The following ZNF813 variants were observed in gnomAD, a reference collection of about 807,000 sequenced individuals.
ZNF813 encodes the protein zinc finger protein 813.
Under a neutral mutation model 7.2 loss-of-function variants are expected in ZNF813, and 3 were observed. The ratio of observed to expected loss-of-function variants is 0.42; its 90% CI spans 0.19 to 1.08. ZNF813 has a LOEUF of 1.08. Ranked by LOEUF, ZNF813 falls within the 50% of genes least tolerant of loss-of-function variation. ZNF813 has a pLI of 0.30. For synonymous variants in ZNF813, 227 were observed against 256.3 expected (o/e 0.89, Z 1.09); for missense variants, 714 against 753.3 (o/e 0.95, Z 0.61).
chr19:53,469,364 G>A (rs1036202446), intron 1 of ZNF813, among the ~76,000 whole-genome samples: 3 of 151,992 alleles, frequency 2.0e-5, no homozygotes, highest in African/African-American at 7.3e-5. Flanking sequence ...CCCAGCTCCA[G>A]CCCCTTGAAA....
chr19:53,485,093 C>G (rs1286308001), intron 2 of ZNF813, among the ~76,000 whole-genome samples: 2 of 152,026 alleles, frequency 1.3e-5, no homozygotes, highest in Non-Finnish European at 2.9e-5. Context: ...TTCTGCATCA[C>G]TATGAGACTT....
At chr19:53,474,513 C>T (rs1405824073) in intron 1 of ZNF813, among the ~76,000 whole-genome samples, 1 of 152,088 alleles carries the variant, frequency 6.6e-6, no homozygotes, top group Non-Finnish European at 1.5e-5. Context: ...ATGGTGACGT[C>T]CAGTCTCTAC....
rs201552402 is a variant in ZNF813 at position 53,486,765 on chromosome 19, A to G, written c.142+7A>G. 6.2e-7 allele frequency: 1 copy of G among 1,613,682 alleles called. No individual in the cohort carries two copies. The highest frequency in any genetic ancestry group is 8.5e-7 in the Non-Finnish European group (1 of 1,179,842). ...AGGAACCTGGTCTCCCTGGGTGAGG[A>G]TAACTTCCCTCCAGAAGTGGGGATG... On this transcript the variant is annotated splice_region_variant and intron_variant, in intron 3 of 3. Coordinates refer to ENST00000396403, the MANE Select transcript of ZNF813 (RefSeq NM_001004301.4).
At chr19:53,474,273 A>C (rs963206361) in intron 1 of ZNF813, among the ~76,000 whole-genome samples, 1 of 152,244 alleles carries the variant, frequency 6.6e-6, no homozygotes, top group Non-Finnish European at 1.5e-5. Context: ...TTCACAAGGC[A>C]TGGCTCCTGC....
At position 53,469,800 on chromosome 19, in the gene ZNF813, A is replaced by C. The variant is rs113721987; in HGVS notation, c.-74+2011A>C. ...GGATCTAGGCTGCCAGAGAGTGGGG[A>C]CAGGGGGTATAACAGGGAAGAGAGA... On this transcript the variant is annotated intron_variant, in intron 1 of 3. Transcript: ENST00000396403. Among the ~76,000 whole-genome samples, 1,090 of 136,844 alleles carry C rather than the reference A, an allele frequency of 8.0e-3. 4 individuals are homozygous for C. The highest frequency in any genetic ancestry group is 0.011 in the Non-Finnish European group (647 of 60,974). 89.8% of individuals were successfully genotyped at this position (136,844 alleles called of 152,430 possible).
rs1317267445 is a variant in ZNF813, at chr19:53,471,389, A to G, written c.-74+3600A>G. Reference sequence around the variant, plus strand: ...GATCTGGAGTCATCTTTGCCTTGCCACAAAGTTTTCTTTAGTGTTTTATTA... The same window carrying G: ...GATCTGGAGTCATCTTTGCCTTGCCGCAAAGTTTTCTTTAGTGTTTTATTA... On this transcript the variant is annotated intron_variant, in intron 1 of 3. Transcript: ENST00000396403. Among the ~76,000 whole-genome samples, 6 of 152,158 alleles carry G rather than the reference A, an allele frequency of 3.9e-5. No individual in the cohort carries two copies. The East Asian group carries it at 1.2e-3, about 29-fold the overall frequency.
rs1475860607 is a variant in ZNF813 at position 53,493,690 on chromosome 19, G to A, written c.*1604G>A. 2.0e-5 allele frequency: 3 copies of A among 152,140 alleles called. No individual in the cohort carries two copies. Among genetic ancestry groups the A allele is most frequent in the African/African-American group, 7.2e-5 (3 of 41,442 alleles). The allele number at this position is 152,140 out of a possible 1,614,324, so 9.4% of individuals were successfully genotyped here. A position where few individuals can be genotyped will look rare whatever the true frequency, so the allele number is the denominator to read the frequency against. On this transcript the variant is annotated 3_prime_UTR_variant, in exon 4 of 4. Coordinates refer to ENST00000396403, the MANE Select transcript of ZNF813 (RefSeq NM_001004301.4). Reference sequence around the variant, plus strand: ...TGTTTATTACTTCCAGTAGTATTTTGGTTGAGTCTTTGTGATTTTCTACAC... The same window carrying A: ...TGTTTATTACTTCCAGTAGTATTTTAGTTGAGTCTTTGTGATTTTCTACAC...
rs66842546 is a variant in ZNF813, at chr19:53,481,344, C to CTTTTTTTTTTTTTTTTTTTTTTTTTTTT, written c.-73-2387_-73-2386insTTTTTTTTTTTTTTTTTTTTTTTTTTTT. On this transcript the variant is annotated intron_variant, in intron 1 of 3. Coordinates refer to ENST00000396403, the MANE Select transcript of ZNF813 (RefSeq NM_001004301.4). ...GCTATTCTAAAAGCACCCATGTATT[C>CTTTTTTTTTTTTTTTTTTTTTTTTTTTT]TTTTTTTTTTTTTTTTTTTGAGATG... Among the ~76,000 whole-genome samples the CTTTTTTTTTTTTTTTTTTTTTTTTTTTT allele has an allele frequency of 1.8e-4, 19 of 106,376 alleles. 1 individual carries two copies. The highest frequency in any genetic ancestry group is 1.8e-4 in the Non-Finnish European group (10 of 55,802). 69.8% of individuals were successfully genotyped at this position (106,376 alleles called of 152,430 possible).
At position 53,490,392 on chromosome 19, in the gene ZNF813, A is replaced by G. The variant is rs370790550; in HGVS notation, c.160A>G (p.Met54Val). ...LVSLDISSKC[M>V]MKEFSSTAQG... is the part of the protein sequence containing the mutation. ...TTTTGTAGATATCTCTTCCAAATGC[A>G]TGATGAAGGAGTTCTCATCAACAGC... The change falls in exon 4 of 4, where the codon ATG (methionine) becomes GTG (valine). Residue 54 changes from methionine (M) to valine (V), a missense_variant. By Grantham distance (21) the Met-to-Val change is conservative (BLOSUM62 1). Transcript: ENST00000396403. 4.3e-6 allele frequency: 7 copies of G among 1,613,942 alleles called. No homozygotes were observed. The highest frequency in any genetic ancestry group is 5.1e-6 in the Non-Finnish European group (6 of 1,179,966).
At chr19:53,472,245 G>A (rs2086363162) in intron 1 of ZNF813, among the ~76,000 whole-genome samples, 1 of 152,154 alleles carries the variant, frequency 6.6e-6, no homozygotes, top group Non-Finnish European at 1.5e-5. Context: ...ATTTCGATAA[G>A]CATAATTGGC....
At chr19:53,481,425 C>G (rs2086408293) in intron 1 of ZNF813, among the ~76,000 whole-genome samples, 1 of 140,764 alleles carries the variant, frequency 7.1e-6, no homozygotes, top group South Asian at 2.3e-4. Flanking sequence ...AGGCTCACTA[C>G]AACCTCTGCC....
At chr19:53,470,164 T>C (rs543020758) in intron 1 of ZNF813, among the ~76,000 whole-genome samples, 46,348 of 143,616 alleles carry the variant, frequency 0.32, 8,373 homozygotes, top group African/African-American at 0.39. Flanking sequence ...TTTCTTTTTC[T>C]TTTCTTTTCT....
intron 2 of ZNF813, among the ~76,000 whole-genome samples, chr19:53,486,413 C>T (rs1326150512): frequency 1.3e-5 from 2 of 149,472 alleles, no homozygotes; most frequent in East Asian, 3.9e-4. Flanking sequence ...TGCCATTGCA[C>T]TCCAGCCTGG....
chr19:53,487,481 C>T (rs750628918), intron 3 of ZNF813, among the ~76,000 whole-genome samples: 4 of 152,148 alleles, frequency 2.6e-5, no homozygotes, highest in Non-Finnish European at 4.4e-5. Context: ...TCTTGGGTCA[C>T]CGCAACTGGC....
In ZNF813 at chr19:53,493,432, T is replaced by C. The variant is rs2086472931; in HGVS notation, c.*1346T>C. 1 of 111,678 alleles carries C rather than the reference T, an allele frequency of 9.0e-6. No homozygotes were observed. The highest frequency in any genetic ancestry group is 4.4e-5 in the African/African-American group (1 of 22,856). 6.9% of individuals were successfully genotyped at this position (111,678 alleles called of 1,614,324 possible). A position where few individuals can be genotyped will look rare whatever the true frequency, so the allele number is the denominator to read the frequency against. On this transcript the variant is annotated 3_prime_UTR_variant, in exon 4 of 4. Coordinates refer to ENST00000396403, the MANE Select transcript of ZNF813 (RefSeq NM_001004301.4). ...CAAACTTCTCACCTTTTTACTTTTA[T>C]TTCTATTTCTTTAAGTTCTCTAGCA...
Position 53,490,587 on chromosome 19 carries a change from T to C in ZNF813, c.355T>C (p.Leu119=), listed in dbSNP as rs753298154. The C allele has an allele frequency of 2.5e-6, 4 of 1,614,142 alleles. No individual in the cohort carries two copies. The change falls in exon 4 of 4, where the codon TTG becomes CTG. Residue 119 remains leucine (L), a synonymous_variant. Transcript: ENST00000396403. ...AGCACCCATGACAGAAATCAAAAAG[T>C]TGACTGGTAGTGCAGACCGATATGA... ...HEAPMTEIKK[L]TGSADRYDQR... is the part of the protein sequence containing the mutation.
intron 3 of ZNF813, among the ~76,000 whole-genome samples, chr19:53,487,763 C>T (rs2086440923): frequency 2.0e-5 from 3 of 148,868 alleles, no homozygotes; most frequent in African/African-American, 7.4e-5. Flanking sequence ...GTGCCATTGC[C>T]CTCCAGCCTG....
intron 1 of ZNF813, chr19:53,479,552 G>T: frequency 4.3e-6 from 5 of 1,159,398 alleles, no homozygotes; most frequent in Non-Finnish European, 6.4e-6. Context: ...GCTCAGGAGC[G>T]CCTGGCCACT....
intron 1 of ZNF813, among the ~76,000 whole-genome samples, chr19:53,468,245 C>T (rs2086338096): frequency 6.7e-6 from 1 of 149,302 alleles, no homozygotes; most frequent in African/African-American, 2.5e-5. Context: ...CTCCCTCCTC[C>T]TGCCGGGCCC....
Sources: gnomAD v4.1 joint callset for allele counts (sites outside exome capture counted in the v4.1 genomes callset) on GRCh38, gnomAD v4.1.1 for gene constraint, MANE v1.5 for transcripts, NCBI Gene and HGNC (gene_info 2026-07-23, HGNC 2026-07-21) for gene names.